Variants in MAS1 observed in about 807,000 individuals in gnomAD.
MAS1 encodes the protein MAS1 proto-oncogene, G protein-coupled receptor.
For synonymous variants in MAS1, 163 were observed against 164.2 expected (o/e 0.99, Z 0.05); for missense variants, 387 against 409.7 (o/e 0.94, Z 0.48).
rs1286757556 is a variant in MAS1 at position 159,912,829 on chromosome 6, C to T, written c.*4896C>T. 1.3e-5 allele frequency: 2 copies of T among 152,098 alleles called. No homozygotes were observed. Among genetic ancestry groups the T allele is most frequent in the Non-Finnish European group, 2.9e-5 (2 of 68,018 alleles). The allele number at this position is 152,098 out of a possible 1,614,324, so 9.4% of individuals were successfully genotyped here. ...TCTGTGAAGGAGGTAAGAGAGGTGT[C>T]ACAGAACTGCTAAAATACACTTCAA... On this transcript the variant is annotated 3_prime_UTR_variant, in exon 3 of 3. Coordinates refer to ENST00000674077, the MANE Select transcript of MAS1 (RefSeq NM_002377.4).
chr6:159,889,426 G>A (rs374667761), upstream of MAS1, among the ~76,000 whole-genome samples: 97 of 152,318 alleles, frequency 6.4e-4, 1 homozygote, highest in East Asian at 8.3e-3. Flanking sequence ...ATGTGGAGCA[G>A]AGAGGATCCC....
intron 2 of MAS1, among the ~76,000 whole-genome samples, chr6:159,901,759 C>T (rs1190574802): frequency 4.6e-5 from 7 of 151,416 alleles, no homozygotes; most frequent in Non-Finnish European, 1.0e-4. Context: ...GAGACTGAGG[C>T]AGGAGTGTCA....
intron 1 of MAS1, among the ~76,000 whole-genome samples, chr6:159,893,862 C>A (rs938931428): frequency 6.6e-6 from 1 of 152,042 alleles, no homozygotes; most frequent in African/African-American, 2.4e-5. Flanking sequence ...GGAACCAGGG[C>A]TCCTTGGAGA....
chr6:159,904,297 A>G (rs1562311349), intron 2 of MAS1, among the ~76,000 whole-genome samples: 1 of 151,970 alleles, frequency 6.6e-6, no homozygotes, highest in Non-Finnish European at 1.5e-5. Context: ...ACCTGTTTGC[A>G]TACAACACCC....
chr6:159,888,973 A>G (rs1782666007), upstream of MAS1, among the ~76,000 whole-genome samples: 2 of 152,244 alleles, frequency 1.3e-5, no homozygotes, highest in Non-Finnish European at 2.9e-5. Flanking sequence ...ATGCGACTCC[A>G]GCTCCATCTG....
chr6:159,893,447 G>A (rs926196509), intron 1 of MAS1, among the ~76,000 whole-genome samples: 5 of 152,132 alleles, frequency 3.3e-5, no homozygotes, highest in African/African-American at 9.7e-5. Context: ...AGTGAGGAGG[G>A]CATCTGTGCA....
intron 2 of MAS1, among the ~76,000 whole-genome samples, chr6:159,903,927 A>G (rs1190727096): frequency 6.6e-6 from 1 of 152,144 alleles, no homozygotes; most frequent in African/African-American, 2.4e-5. Context: ...TGTCCAGTCT[A>G]CTGAAAATAC....
At chr6:159,901,261 A>G (rs1277806471) in intron 2 of MAS1, among the ~76,000 whole-genome samples, 2 of 152,190 alleles carry the variant, frequency 1.3e-5, no homozygotes, top group African/African-American at 4.8e-5. Context: ...TTAGGACTTC[A>G]ACATATGAAT....
At chr6:159,898,409 G>C (rs1782777736) in intron 1 of MAS1, among the ~76,000 whole-genome samples, 1 of 152,060 alleles carries the variant, frequency 6.6e-6, no homozygotes, top group Admixed American at 6.6e-5. Flanking sequence ...GGTTGTGAAG[G>C]TTGGCCTGCC....
At chr6:159,891,462 A>G (rs1334023604) in intron 1 of MAS1, among the ~76,000 whole-genome samples, 1 of 152,196 alleles carries the variant, frequency 6.6e-6, no homozygotes, top group Non-Finnish European at 1.5e-5. Context: ...CACAGTTTGA[A>G]TGGTGGACTT....
At chr6:159,906,692 A>G (rs1048073113) in intron 2 of MAS1, 1 of 395,676 alleles carries the variant, frequency 2.5e-6, no homozygotes, top group Admixed American at 4.2e-5. Flanking sequence ...ATCACTGGGG[A>G]TCCAGAAGGG....
intron 2 of MAS1, among the ~76,000 whole-genome samples, chr6:159,903,496 G>A (rs767678598): frequency 1.9e-4 from 29 of 152,028 alleles, no homozygotes; most frequent in Non-Finnish European, 3.5e-4. Context: ...TATGTCCCTA[G>A]CCCTCTCTTT....
At chr6:159,889,355 C>G (rs999935553), upstream of MAS1, among the ~76,000 whole-genome samples, 2 of 152,164 alleles carry the variant, frequency 1.3e-5, no homozygotes, top group African/African-American at 4.8e-5. Flanking sequence ...TTCACAGCAC[C>G]CATGGGGACA....
chr6:159,915,062 C>T lies in MAS1; in HGVS notation c.*7129C>T, dbSNP rs1363743617. ...GTTCTTGTCTTTGAATAGTTGGAAT[C>T]TATTTCTGTGGGGGGAATGGTTCCA... On this transcript the variant is annotated 3_prime_UTR_variant, in exon 3 of 3. Transcript: ENST00000674077. 6.6e-6 allele frequency: 1 copy of T among 152,192 alleles called. No homozygotes were observed. Among genetic ancestry groups the T allele is most frequent in the Non-Finnish European group, 1.5e-5 (1 of 68,044 alleles). 9.4% of individuals were successfully genotyped at this position (152,192 alleles called of 1,614,324 possible).
chr6:159,903,030 T>C (rs559762918), intron 2 of MAS1, among the ~76,000 whole-genome samples: 1 of 152,154 alleles, frequency 6.6e-6, no homozygotes. Context: ...CACTTAATAC[T>C]GATAACCCCA....
rs1783037737 is a variant in MAS1 at position 159,917,171 on chromosome 6, C to T, written c.*9238C>T. Among the ~76,000 whole-genome samples the T allele has an allele frequency of 6.6e-6, 1 of 152,154 alleles. No individual in the cohort carries two copies. On this transcript the variant is annotated 3_prime_UTR_variant, in exon 3 of 3. Coordinates refer to ENST00000674077, the MANE Select transcript of MAS1 (RefSeq NM_002377.4). ...GGTGGTGGCAAATCTTCCTTGTTTC[C>T]TGGTGGATTTAACTTTGCAGAAGGA...
intron 2 of MAS1, among the ~76,000 whole-genome samples, chr6:159,904,252 A>G (rs1404208479): frequency 6.6e-6 from 1 of 152,032 alleles, no homozygotes; most frequent in Non-Finnish European, 1.5e-5. Context: ...CTTGCCTCAC[A>G]GATACCCTCG....
intron 2 of MAS1, among the ~76,000 whole-genome samples, chr6:159,902,741 C>G (rs1337139110): frequency 6.6e-6 from 1 of 152,104 alleles, no homozygotes; most frequent in Non-Finnish European, 1.5e-5. Context: ...CAACAAAACA[C>G]CAGTCTCTGA....
intron 1 of MAS1, among the ~76,000 whole-genome samples, chr6:159,896,938 T>A (rs1782760405): frequency 1.3e-5 from 2 of 152,048 alleles, no homozygotes; most frequent in Admixed American, 6.6e-5. Context: ...CAGTGGCTCG[T>A]TCTTGGCTCA....
Sources: allele counts gnomAD v4.1 joint callset (sites outside exome capture counted in the v4.1 genomes callset), GRCh38; gene constraint gnomAD v4.1.1; transcripts MANE v1.5; gene names NCBI Gene and HGNC (gene_info 2026-07-23, HGNC 2026-07-21).